The following FTO variants were observed in gnomAD, a reference collection of about 807,000 sequenced individuals.
FTO encodes the protein alpha-ketoglutarate-dependent dioxygenase FTO.
Under a neutral mutation model 63.9 loss-of-function variants are expected in FTO, and 47 were observed. The ratio of observed to expected loss-of-function variants is 0.74; its 90% CI spans 0.58 to 0.94. The LOEUF is 0.94. Among genes scored for constraint, FTO ranks in the 40% least tolerant of loss-of-function variants. The pLI, the probability that FTO is intolerant of heterozygous loss-of-function variation, is 0.00. For missense variants in FTO, 562 were observed against 618.1 expected (o/e 0.91, Z 0.96); for synonymous variants, 207 against 224.4 (o/e 0.92, Z 0.69).
At chr16:53,845,778 G>C (rs1026992484) in intron 4 of FTO, among the ~76,000 whole-genome samples, 1 of 152,216 alleles carries the variant, frequency 6.6e-6, no homozygotes, top group African/African-American at 2.4e-5. Context: ...TAACTGTATA[G>C]TGGTACCAGT....
chr16:53,925,944 C>G (rs2082127414), intron 7 of FTO, among the ~76,000 whole-genome samples: 1 of 152,082 alleles, frequency 6.6e-6, no homozygotes, highest in African/African-American at 2.4e-5. Context: ...AATTTGCATT[C>G]AGTCTCTCTC....
chr16:53,954,662 C>T (rs1295216957), intron 8 of FTO, among the ~76,000 whole-genome samples: 1 of 151,982 alleles, frequency 6.6e-6, no homozygotes, highest in Non-Finnish European at 1.5e-5. Context: ...CTTTAGAAGG[C>T]AGAGTAAAGA....
chr16:53,891,100 C>T (rs577980187), intron 7 of FTO, among the ~76,000 whole-genome samples: 120 of 151,814 alleles, frequency 7.9e-4, no homozygotes, highest in Admixed American at 1.4e-3. Flanking sequence ...AAGTGATTCT[C>T]CTGCCTCAGC....
intron 1 of FTO, among the ~76,000 whole-genome samples, chr16:53,753,849 G>A (rs1366914046): frequency 2.0e-5 from 3 of 152,120 alleles, no homozygotes; most frequent in East Asian, 3.9e-4. Flanking sequence ...GGATTTCCAC[G>A]CTTTCTTTCT....
intron 1 of FTO, among the ~76,000 whole-genome samples, chr16:53,802,886 A>C (rs2078262964): frequency 6.6e-6 from 1 of 152,178 alleles, no homozygotes; most frequent in Non-Finnish European, 1.5e-5. Context: ...TTACTCTAGA[A>C]GCTTGATTTA....
chr16:53,839,909 A>G (rs1053200168), intron 3 of FTO, among the ~76,000 whole-genome samples: 11 of 151,642 alleles, frequency 7.3e-5, no homozygotes, highest in African/African-American at 2.4e-4. Context: ...GATTCAAGCG[A>G]TTCTCCTGCC....
intron 8 of FTO, among the ~76,000 whole-genome samples, chr16:53,988,346 G>C (rs780184693): frequency 1.1e-4 from 16 of 152,162 alleles, no homozygotes; most frequent in Non-Finnish European, 1.9e-4. Context: ...AAGACAATAA[G>C]AAGCCAGGAG....
At chr16:53,841,852 C>T (rs921403278) in intron 3 of FTO, among the ~76,000 whole-genome samples, 14 of 152,120 alleles carry the variant, frequency 9.2e-5, no homozygotes, top group African/African-American at 2.7e-4. Flanking sequence ...TCTCATTTTA[C>T]CCTCTGCCAG....
At chr16:54,098,496 C>G (rs1287010316) in intron 8 of FTO, among the ~76,000 whole-genome samples, 2 of 152,172 alleles carry the variant, frequency 1.3e-5, no homozygotes, top group African/African-American at 4.8e-5. Context: ...ATCATCAACT[C>G]AAATTTATTT....
At position 53,903,362 on chromosome 16, in the gene FTO, G is replaced by A. The variant is rs868401733; in HGVS notation, c.1239+14411G>A. 4.6e-5 allele frequency among the ~76,000 whole-genome samples: 7 copies of A among 151,618 alleles called. No individual in the cohort carries two copies. The Middle Eastern group carries it at 0.01, about 221-fold the overall frequency. On this transcript the variant is annotated intron_variant, in intron 7 of 8. Transcript: ENST00000471389. ...CAACCTTTGCCTCCTGGGTCCAAGC[G>A]ATTCTCCTGCCTCAGCCTCCCGAGT... is the stretch of plus-strand genomic sequence containing the variant.
chr16:53,873,258 A>G (rs937761209), intron 4 of FTO, among the ~76,000 whole-genome samples: 10 of 152,160 alleles, frequency 6.6e-5, no homozygotes, highest in Admixed American at 2.0e-4. Flanking sequence ...CAATTCATAT[A>G]TAGTGAATTT....
At chr16:53,796,325 C>T (rs1456280697) in intron 1 of FTO, among the ~76,000 whole-genome samples, 7 of 152,058 alleles carry the variant, frequency 4.6e-5, no homozygotes, top group African/African-American at 7.2e-5. Flanking sequence ...ACTGTAGGAG[C>T]GAGCCACTGC....
chr16:53,890,026 G>A (rs1333987256), intron 7 of FTO, among the ~76,000 whole-genome samples: 2 of 152,054 alleles, frequency 1.3e-5, no homozygotes, highest in Non-Finnish European at 2.9e-5. Context: ...CAGCTAATAG[G>A]TGAGGGAGCT....
intron 1 of FTO, among the ~76,000 whole-genome samples, chr16:53,749,469 C>T (rs562846518): frequency 7.5e-5 from 11 of 147,136 alleles, no homozygotes; most frequent in South Asian, 2.1e-4. Context: ...ACGAAGTCTT[C>T]GCTCTGTGGC....
At chr16:53,835,891 ATT>A (rs201374598) in intron 3 of FTO, among the ~76,000 whole-genome samples, 10 of 134,066 alleles carry the variant, frequency 7.5e-5, no homozygotes, top group Admixed American at 1.5e-4. Context: ...CTGTCTATTG[ATT>A]TTTTTTTTTT....
intron 1 of FTO, among the ~76,000 whole-genome samples, chr16:53,758,840 A>G (rs944168464): frequency 6.6e-6 from 1 of 152,130 alleles, no homozygotes; most frequent in Admixed American, 6.6e-5. Context: ...ATAAAAAGGA[A>G]CCTTCACACT....
intron 6 of FTO, among the ~76,000 whole-genome samples, chr16:53,880,837 C>T (rs1267908364): frequency 6.7e-6 from 1 of 149,658 alleles, no homozygotes; most frequent in African/African-American, 2.5e-5. Context: ...GGTGTGGTGG[C>T]TCACGCCTAT....
intron 7 of FTO, among the ~76,000 whole-genome samples, chr16:53,924,124 C>A (rs1599003705): frequency 6.6e-6 from 1 of 152,172 alleles, no homozygotes; most frequent in East Asian, 1.9e-4. Context: ...ACACATAATG[C>A]TGCTGCCAAT....
chr16:54,059,977 C>A (rs1381138591), intron 8 of FTO, among the ~76,000 whole-genome samples: 1 of 152,090 alleles, frequency 6.6e-6, no homozygotes, highest in Non-Finnish European at 1.5e-5. Flanking sequence ...TACGTCCCTT[C>A]CATTGCATTT....
Sources: gnomAD v4.1 joint callset for allele counts (sites outside exome capture counted in the v4.1 genomes callset) on GRCh38, gnomAD v4.1.1 for gene constraint, MANE v1.5 for transcripts, NCBI Gene and HGNC (gene_info 2026-07-23, HGNC 2026-07-21) for gene names.